Variants in CHEK2 observed in about 807,000 individuals in gnomAD.
The protein encoded by CHEK2 is serine/threonine-protein kinase Chk2.
CHEK2 carries 71 observed loss-of-function variants against 69.1 expected under a neutral mutation model. The ratio of observed to expected loss-of-function variants is 1.03; its 90% CI spans 0.85 to 1.25. The LOEUF is 1.25. Ranked by LOEUF, CHEK2 falls within the 50% of genes most tolerant of loss-of-function variation. CHEK2 has a pLI of 0.00. For missense variants in CHEK2, 664 were observed against 649.6 expected (o/e 1.02, Z -0.24); for synonymous variants, 189 against 226.9 (o/e 0.83, Z 1.50).
chr22:28,713,929 C>A (rs1209211614), intron 5 of CHEK2, among the ~76,000 whole-genome samples: 1 of 150,388 alleles, frequency 6.6e-6, no homozygotes, highest in Non-Finnish European at 1.5e-5. Flanking sequence ...TATCTACCCA[C>A]CTCAGCCTCC....
rs1163188361 is a variant in CHEK2 at position 28,700,341 on chromosome 22, AGCTGGGATTACAGGTAT to A, written c.909-421_909-405del. 4.6e-5 allele frequency among the ~76,000 whole-genome samples: 7 copies of A among 151,910 alleles called. No homozygotes were observed. In the East Asian group the frequency reaches 7.8e-4, roughly 17 times the overall value. On this transcript the variant is annotated intron_variant, in intron 8 of 14. Transcript: ENST00000404276. Reference sequence around the variant, plus strand: ...ATTCTCATGCCTTAGCCTCCCAAGTAGCTGGGATTACAGGTATGCACCACCATGCCCGGCTAATTGTT... The same window carrying A: ...ATTCTCATGCCTTAGCCTCCCAAGTAGCACCACCATGCCCGGCTAATTGTT...
In CHEK2 at chr22:28,725,124, C is replaced by G. The variant is rs587782560; in HGVS notation, c.445G>C (p.Glu149Gln). The G allele has an allele frequency of 1.2e-6, 2 of 1,614,084 alleles. No homozygotes were observed. Among genetic ancestry groups the G allele is most frequent in the Non-Finnish European group, 1.7e-6 (2 of 1,180,010 alleles). The change falls in exon 4 of 15, where the codon GAA (glutamate) becomes CAA (glutamine). Residue 149 changes from glutamate (E) to glutamine (Q), a missense_variant and splice_region_variant. Physicochemically the swap from Glu to Gln is conservative, Grantham distance 29. Coordinates refer to ENST00000404276, the MANE Select transcript of CHEK2 (RefSeq NM_007194.4). ...YSKKHFRIFR[E>Q]VGPKNSYIAY... is the part of the protein sequence containing the mutation. ...ATGTAAGAGTTTTTAGGACCCACTT[C>G]CTAAAATAGAGAACATTTTGTTTCA...
At chr22:28,712,756 T>G (rs1301548650) in intron 5 of CHEK2, among the ~76,000 whole-genome samples, 1 of 152,186 alleles carries the variant, frequency 6.6e-6, no homozygotes, top group African/African-American at 2.4e-5. Context: ...ATTGTGGGTT[T>G]TGAAGGGGTG....
At chr22:28,700,006 A>T in intron 8 of CHEK2, 69 bp from the exon 9 acceptor site, 1 of 1,000,168 alleles carries the variant, frequency 1.0e-6, no homozygotes, top group East Asian at 2.4e-5. Flanking sequence ...AGACAATAAA[A>T]CAACAAAACA....
chr22:28,702,035 T>C (rs1321416405), intron 8 of CHEK2, among the ~76,000 whole-genome samples: 2 of 150,944 alleles, frequency 1.3e-5, no homozygotes, highest in Non-Finnish European at 2.9e-5. Context: ...CATTACAGCC[T>C]TGACTTCCCA....
intron 5 of CHEK2, among the ~76,000 whole-genome samples, chr22:28,713,220 C>A (rs2053466641): frequency 6.6e-6 from 1 of 152,198 alleles, no homozygotes; most frequent in South Asian, 2.1e-4. Flanking sequence ...TTCCGACGGA[C>A]ATTTATTTGG....
At chr22:28,711,505 A>G (rs548799709) in intron 6 of CHEK2, among the ~76,000 whole-genome samples, 1 of 152,338 alleles carries the variant, frequency 6.6e-6, no homozygotes, top group East Asian at 1.9e-4. Flanking sequence ...TCAACCATCT[A>G]AAAACACGAT....
intron 1 of CHEK2, chr22:28,737,303 T>A: frequency 2.1e-6 from 1 of 479,130 alleles, no homozygotes; most frequent in South Asian, 1.6e-5. Flanking sequence ...TTTATTTCCA[T>A]ATTAAATTGA....
chr22:28,731,325 G>A (rs186527033), intron 2 of CHEK2, among the ~76,000 whole-genome samples: 12 of 152,268 alleles, frequency 7.9e-5, no homozygotes, highest in Admixed American at 3.3e-4. Flanking sequence ...TCGGCCAGAC[G>A]TGGTGGCTCG....
At chr22:28,708,354 T>G (rs1380478114) in intron 7 of CHEK2, among the ~76,000 whole-genome samples, 1 of 141,796 alleles carries the variant, frequency 7.1e-6, no homozygotes. Flanking sequence ...ACAGACTGTC[T>G]CTAAAAATAT....
chr22:28,741,058 G>A (rs1430101022), intron 1 of CHEK2, among the ~76,000 whole-genome samples: 5 of 148,762 alleles, frequency 3.4e-5, no homozygotes, highest in Non-Finnish European at 7.4e-5. Flanking sequence ...GCTGAGGCAG[G>A]AGAATCGCTT....
intron 1 of CHEK2, 72 bp downstream of exon 1, chr22:28,741,697 C>T: frequency 4.2e-6 from 1 of 240,022 alleles, no homozygotes. Context: ...TCAGGAGACT[C>T]CGTTCGCACA....
chr22:28,718,774 T>C (rs886579579), intron 5 of CHEK2, among the ~76,000 whole-genome samples: 1 of 151,270 alleles, frequency 6.6e-6, no homozygotes, highest in African/African-American at 2.4e-5. Context: ...CCCAGCTACT[T>C]GGGAGGCTAA....
chr22:28,701,586 G>A (rs1289857035), intron 8 of CHEK2, among the ~76,000 whole-genome samples: 1 of 152,198 alleles, frequency 6.6e-6, no homozygotes, highest in African/African-American at 2.4e-5. Flanking sequence ...TTCTGTGCCT[G>A]CCACAATAGC....
rs761681864 is a variant in CHEK2 at position 28,696,907 on chromosome 22, A to G, written c.1089T>C (p.Leu363=). ...VLLSSQEEDC[L]IKITDFGHSK... ...CAGAATGCCAATTTCTTACCTTTAT[A>G]AGACAGTCCTCTTCTTGAGATGACA... Residue 363 remains leucine, a synonymous_variant, in exon 10 of 15, where the codon CTT becomes CTC. Coordinates refer to ENST00000404276, the MANE Select transcript of CHEK2 (RefSeq NM_007194.4). 32 of 1,606,284 alleles carry G rather than the reference A, an allele frequency of 2.0e-5. No individual in the cohort carries two copies. In the Admixed American group the frequency reaches 5.2e-4, roughly 26 times the overall value.
At chr22:28,696,701 G>T (rs1267507828) in intron 10 of CHEK2, among the ~76,000 whole-genome samples, 200 bp downstream of exon 10, 1 of 152,110 alleles carries the variant, frequency 6.6e-6, no homozygotes, top group Non-Finnish European at 1.5e-5. Flanking sequence ...AAGCACAAAG[G>T]TCACTTGTAC....
intron 9 of CHEK2, among the ~76,000 whole-genome samples, chr22:28,697,608 C>T (rs932182832): frequency 2.0e-5 from 3 of 151,354 alleles, no homozygotes; most frequent in Non-Finnish European, 2.9e-5. Context: ...CTCACTCTGT[C>T]CCCCAGGCTG....
chr22:28,687,999 G>GA lies in CHEK2; in HGVS notation c.1543-14dup, dbSNP rs2145739856. On this transcript the variant is annotated splice_polypyrimidine_tract_variant and intron_variant, in intron 14 of 14. Coordinates refer to ENST00000404276, the MANE Select transcript of CHEK2 (RefSeq NM_007194.4). Reference sequence around the variant, plus strand: ...GACTAGTAGAAGGCTGAAAATAAAGGAAAATGGAGAAATGTTCAAAAGAAA... The same window carrying GA: ...GACTAGTAGAAGGCTGAAAATAAAGGAAAAATGGAGAAATGTTCAAAAGAAA... 1 of 1,574,018 alleles carries GA rather than the reference G, an allele frequency of 6.4e-7. No individual in the cohort carries two copies.
chr22:28,699,715 GA>G, intron 9 of CHEK2, 122 bp downstream of exon 9: 1 of 805,244 alleles, frequency 1.2e-6, no homozygotes, highest in African/African-American at 1.7e-5. Context: ...GCCAAGAAGA[GA>G]ACAGCAAACA....
Sources: gnomAD v4.1 joint callset for allele counts (sites outside exome capture counted in the v4.1 genomes callset) on GRCh38, gnomAD v4.1.1 for gene constraint, MANE v1.5 for transcripts, NCBI Gene and HGNC (gene_info 2026-07-23, HGNC 2026-07-21) for gene names.